The following CBLB variants were observed in gnomAD, a reference collection of about 807,000 sequenced individuals.
The protein encoded by CBLB is Cbl proto-oncogene B.
CBLB carries 31 observed loss-of-function variants against 104.9 expected under a neutral mutation model. The observed-to-expected ratio is 0.30, with a 90% CI of 0.22 to 0.40. CBLB has a LOEUF of 0.40. CBLB is among the 10% of genes least tolerant of loss of function. CBLB has a pLI of 1.00. For missense variants in CBLB, 1,062 were observed against 1,214.6 expected, an observed-to-expected ratio of 0.87 and a Z score of 1.87; for synonymous variants, 440 against 422.6, an observed-to-expected ratio of 1.04 and a Z score of -0.51.
rs141385854 is a variant in CBLB at position 105,678,465 on chromosome 3, T to C, written c.2535A>G (p.Pro845=). The C allele has an allele frequency of 4.3e-6, 7 of 1,613,986 alleles. No individual in the cohort carries two copies. Among genetic ancestry groups the C allele is most frequent in the Non-Finnish European group, 5.9e-6 (7 of 1,179,980 alleles). The change falls in exon 17 of 19, where the codon CCA becomes CCG. Residue 845 remains proline, a synonymous_variant. Coordinates refer to ENST00000394030, the MANE Select transcript of CBLB (RefSeq NM_170662.5). ...GAAGAAAAAGATCCTGTCCTGAGGA[T>C]GGCCGGCTACTGGAGCCAGGAGGTT... ...HSKPPGSSSR[P]SSGQDLFLLP...
At chr3:105,843,168 C>G (rs1170025414) in intron 3 of CBLB, among the ~76,000 whole-genome samples, 1 of 152,194 alleles carries the variant, frequency 6.6e-6, no homozygotes, top group Non-Finnish European at 1.5e-5. Flanking sequence ...TGGCTCTGTA[C>G]AGTTTGCTGA....
chr3:105,713,067 C>G (rs1045120493), intron 10 of CBLB, among the ~76,000 whole-genome samples: 5 of 152,114 alleles, frequency 3.3e-5, no homozygotes, highest in African/African-American at 1.2e-4. Flanking sequence ...GCCAGGATTT[C>G]AAGACTATGC....
At chr3:105,855,878 T>C (rs556638758) in intron 2 of CBLB, among the ~76,000 whole-genome samples, 1 of 152,354 alleles carries the variant, frequency 6.6e-6, no homozygotes, top group South Asian at 2.1e-4. Flanking sequence ...TTTAGAAAGA[T>C]TCTTTCAAAT....
At chr3:105,723,636 A>G (rs2073192080) in intron 9 of CBLB, among the ~76,000 whole-genome samples, 2 of 152,096 alleles carry the variant, frequency 1.3e-5, no homozygotes, top group South Asian at 4.1e-4. Flanking sequence ...CCTTCATAAT[A>G]CTACATTCTC....
chr3:105,693,438 C>T, intron 13 of CBLB, 56 bp downstream of exon 13: 1 of 1,038,724 alleles, frequency 9.6e-7, no homozygotes, highest in Admixed American at 2.4e-5. Flanking sequence ...CTCTCAAAAC[C>T]ACTCTACCAT....
intron 17 of CBLB, chr3:105,672,071 T>C (rs966093664): frequency 5.2e-6 from 1 of 193,492 alleles, no homozygotes; most frequent in East Asian, 8.2e-5. Context: ...TAAATGCCCC[T>C]GATACAACAT....
Position 105,702,476 on chromosome 3 carries a change from GAAAAAAAAAAAA to G in CBLB, c.1594-29_1594-18del, listed in dbSNP as rs34208930. Reference sequence around the variant, plus strand: ...AGGAGAAGACTAAAGAAACAGAAGAGAAAAAAAAAAAAAAAAAAAAAAACTAAAGGTTGTACC... The same window carrying G: ...AGGAGAAGACTAAAGAAACAGAAGAGAAAAAAAAAAACTAAAGGTTGTACC... On this transcript the variant is annotated intron_variant, in intron 11 of 18. Coordinates refer to ENST00000394030, the MANE Select transcript of CBLB (RefSeq NM_170662.5). The G allele has an allele frequency of 2.8e-4, 77 of 279,634 alleles. No individual in the cohort carries two copies. The highest frequency in any genetic ancestry group is 3.6e-4 in the Non-Finnish European group (69 of 192,114). 17.3% of individuals were successfully genotyped at this position (279,634 alleles called of 1,614,324 possible).
intron 18 of CBLB, among the ~76,000 whole-genome samples, chr3:105,661,617 C>A (rs1442966075): frequency 1.3e-5 from 2 of 152,078 alleles, no homozygotes; most frequent in Non-Finnish European, 2.9e-5. Context: ...CTGAGATGTG[C>A]ACATGAATGC....
intron 14 of CBLB, among the ~76,000 whole-genome samples, chr3:105,684,843 G>A (rs1313871328): frequency 1.3e-5 from 2 of 152,142 alleles, no homozygotes; most frequent in African/African-American, 2.4e-5. Context: ...GAGCCACCAC[G>A]CCTGGCCTAT....
intron 3 of CBLB, among the ~76,000 whole-genome samples, chr3:105,804,130 G>A (rs1249053423): frequency 6.6e-6 from 1 of 152,112 alleles, no homozygotes; most frequent in Non-Finnish European, 1.5e-5. Flanking sequence ...CCCAAATGGT[G>A]GTCACTCAGG....
chr3:105,656,358 C>G lies in CBLB; in HGVS notation c.*2612G>C. 4.9e-6 allele frequency: 1 copy of G among 203,764 alleles called. No individual in the cohort carries two copies. The allele number at this position is 203,764 out of a possible 1,614,324, so 12.6% of individuals were successfully genotyped here. On this transcript the variant is annotated 3_prime_UTR_variant, in exon 19 of 19. Coordinates refer to ENST00000394030, the MANE Select transcript of CBLB (RefSeq NM_170662.5). The stretch of plus-strand genomic sequence containing the variant: ...TTTTTGGATCACAGTGAAACAAAGT[C>G]TGGATCACTTCCAGACATCAACGAG...
chr3:105,714,727 T>C (rs2071595569), intron 10 of CBLB, among the ~76,000 whole-genome samples: 2 of 152,184 alleles, frequency 1.3e-5, no homozygotes, highest in East Asian at 3.8e-4. Flanking sequence ...CTGGTACTGG[T>C]CCATGGCCTG....
intron 10 of CBLB, among the ~76,000 whole-genome samples, chr3:105,719,203 T>G (rs1029315323): frequency 6.6e-6 from 1 of 152,238 alleles, no homozygotes; most frequent in Admixed American, 6.5e-5. Context: ...AAGAATATTT[T>G]TAATCAAATT....
In CBLB at chr3:105,799,040, C is replaced by T. The variant is rs559493384; in HGVS notation, c.420-22498G>A. ...AGATCTCAAGGATGACAATTAGTTG[C>T]TAATCCTTCAAGATCTAACAAAGTA... On this transcript the variant is annotated intron_variant, in intron 3 of 18. Transcript: ENST00000394030. Among the ~76,000 whole-genome samples the T allele has an allele frequency of 3.9e-5, 6 of 151,994 alleles. No homozygotes were observed. The East Asian group carries it at 9.7e-4, about 24-fold the overall frequency.
At chr3:105,811,642 GAC>G (rs1200750564) in intron 3 of CBLB, among the ~76,000 whole-genome samples, 1 of 151,872 alleles carries the variant, frequency 6.6e-6, no homozygotes, top group Non-Finnish European at 1.5e-5. Flanking sequence ...AAGAGAGACA[GAC>G]AGATTTCCCT....
At chr3:105,847,541 C>T (rs576265578) in intron 3 of CBLB, among the ~76,000 whole-genome samples, 1 of 152,030 alleles carries the variant, frequency 6.6e-6, no homozygotes, top group African/African-American at 2.4e-5. Flanking sequence ...TCCTCTCTGG[C>T]CAGAGCTTTT....
chr3:105,681,257 T>A (rs2066281539), intron 16 of CBLB: 1 of 592,686 alleles, frequency 1.7e-6, no homozygotes. Flanking sequence ...ACAACTTGCT[T>A]AAAACCTGAC....
At chr3:105,831,118 T>C (rs2087448358) in intron 3 of CBLB, among the ~76,000 whole-genome samples, 1 of 152,172 alleles carries the variant, frequency 6.6e-6, no homozygotes, top group Admixed American at 6.5e-5. Flanking sequence ...ATAACCATGT[T>C]CATGGTTGAA....
chr3:105,681,513 C>T lies in CBLB; in HGVS notation c.2394G>A (p.Thr798=), dbSNP rs780851468. The T allele has an allele frequency of 8.7e-6, 14 of 1,613,854 alleles. No homozygotes were observed. Among genetic ancestry groups the T allele is most frequent in the Admixed American group, 3.3e-5 (2 of 59,968 alleles). Residue 798 remains threonine, a synonymous_variant, in exon 16 of 19, where the codon ACG becomes ACA. Transcript: ENST00000394030. ...GGATGAGAAGATCATAATCAGAGGG[C>T]GTCCTGTTGAGTGAAGAACCATGCT... is the stretch of plus-strand genomic sequence containing the variant. ...NPKHGSSLNR[T]PSDYDLLIPP...
Sources: gnomAD v4.1 joint callset for allele counts (sites outside exome capture counted in the v4.1 genomes callset) on GRCh38, gnomAD v4.1.1 for gene constraint, MANE v1.5 for transcripts, NCBI Gene and HGNC (gene_info 2026-07-23, HGNC 2026-07-21) for gene names.